The following NEGR1 variants were observed in gnomAD, a reference collection of about 807,000 sequenced individuals.
The protein encoded by NEGR1 is neuronal growth regulator 1, also known as IgLON family member 4.
In NEGR1, 10 loss-of-function variants were observed where a neutral mutation model predicts 40.9. The observed-to-expected ratio is 0.24, with a 90% CI of 0.15 to 0.42. The LOEUF (loss-of-function observed/expected upper bound fraction) is 0.42. NEGR1 is among the 10% of genes least tolerant of loss of function. NEGR1 has a pLI of 1.00. For missense variants in NEGR1, 352 were observed against 438.9 expected (o/e 0.80, Z 1.77); for synonymous variants, 185 against 166.8 (o/e 1.11, Z -0.84).
chr1:71,923,210 A>G (rs765665669), intron 2 of NEGR1, among the ~76,000 whole-genome samples: 5 of 152,302 alleles, frequency 3.3e-5, no homozygotes, highest in Non-Finnish European at 7.4e-5. Context: ...CATGCATTTG[A>G]AAATTAAAGC....
chr1:71,935,401 A>G (rs1269126353), intron 1 of NEGR1, 90 bp from the exon 2 acceptor site: 2 of 824,748 alleles, frequency 2.4e-6, no homozygotes, highest in East Asian at 2.5e-5. Flanking sequence ...CTTTTGCTGA[A>G]TAATAGCACA....
At chr1:71,558,135 G>GT (rs549896777) in intron 6 of NEGR1, among the ~76,000 whole-genome samples, 55 of 151,600 alleles carry the variant, frequency 3.6e-4, no homozygotes, top group African/African-American at 1.3e-3. Flanking sequence ...TGGTTAAGCT[G>GT]TTTTTTGTCA....
chr1:71,577,342 C>T (rs891938649), intron 6 of NEGR1, among the ~76,000 whole-genome samples: 12 of 152,094 alleles, frequency 7.9e-5, no homozygotes, highest in African/African-American at 2.4e-4. Context: ...AAAGAAGTCA[C>T]GCTATAATTT....
chr1:71,647,784 T>C (rs1211650249), intron 4 of NEGR1, among the ~76,000 whole-genome samples: 1 of 152,016 alleles, frequency 6.6e-6, no homozygotes, highest in East Asian at 1.9e-4. Flanking sequence ...CTCAATCTTA[T>C]TAGCACTATA....
chr1:71,998,792 T>C (rs954403652), intron 1 of NEGR1, among the ~76,000 whole-genome samples: 10 of 151,436 alleles, frequency 6.6e-5, no homozygotes, highest in Non-Finnish European at 1.2e-4. Flanking sequence ...ATGTATTATA[T>C]AATATTTACA....
At position 72,143,859 on chromosome 1, in the gene NEGR1, A is replaced by AATATATCAT. The variant is rs1240645509; in HGVS notation, c.176+138451_176+138459dup. 2.1e-5 allele frequency among the ~76,000 whole-genome samples: 3 copies of AATATATCAT among 143,680 alleles called. No homozygotes were observed. In the Admixed American group the frequency reaches 2.1e-4, roughly 10 times the overall value. 94.3% of individuals were successfully genotyped at this position (143,680 alleles called of 152,430 possible). ...ACTGATAACAAAGAAGATGGTTCTAAATATATCATATATATCATATATTCA... is the reference window on the plus strand; with the variant it reads ...ACTGATAACAAAGAAGATGGTTCTAAATATATCATATATATCATATATATCATATATTCA... On this transcript the variant is annotated intron_variant, in intron 1 of 6. Transcript: ENST00000357731.
intron 1 of NEGR1, among the ~76,000 whole-genome samples, chr1:72,063,409 CG>C (rs1647207295): frequency 6.6e-6 from 1 of 151,686 alleles, no homozygotes; most frequent in Non-Finnish European, 1.5e-5. Context: ...TTATGTACGG[CG>C]TAATGGAAAT....
At chr1:71,787,677 T>C (rs1656962327) in intron 2 of NEGR1, among the ~76,000 whole-genome samples, 1 of 152,166 alleles carries the variant, frequency 6.6e-6, no homozygotes, top group Non-Finnish European at 1.5e-5. Context: ...CATTACATGT[T>C]GGACAATTTT....
intron 1 of NEGR1, among the ~76,000 whole-genome samples, chr1:72,105,973 C>A (rs1352082): frequency 0.42 from 63,176 of 151,796 alleles, 14,352 homozygotes; most frequent in South Asian, 0.55. Context: ...GCAGTGAAAA[C>A]CTAGATATAA....
intron 1 of NEGR1, among the ~76,000 whole-genome samples, chr1:72,021,234 T>C (rs140438263): frequency 1.2e-4 from 18 of 152,242 alleles, no homozygotes; most frequent in East Asian, 1.2e-3. Flanking sequence ...CTGAACACTA[T>C]TGACAATTAG....
intron 2 of NEGR1, among the ~76,000 whole-genome samples, chr1:71,861,179 A>T (rs975832309): frequency 1.3e-5 from 2 of 152,020 alleles, no homozygotes; most frequent in African/African-American, 4.8e-5. Context: ...TAACTGTATG[A>T]TCTTGGGCAA....
intron 4 of NEGR1, among the ~76,000 whole-genome samples, chr1:71,657,952 G>T (rs1219871177): frequency 6.6e-6 from 1 of 152,150 alleles, no homozygotes; most frequent in African/African-American, 2.4e-5. Context: ...CAGTTTTAGT[G>T]ACTTGTCCAA....
At chr1:71,491,980 T>C (rs896417105) in intron 6 of NEGR1, among the ~76,000 whole-genome samples, 6 of 152,082 alleles carry the variant, frequency 3.9e-5, no homozygotes, top group African/African-American at 1.4e-4. Context: ...ATGAGATTAA[T>C]TCACTTATAA....
intron 6 of NEGR1, among the ~76,000 whole-genome samples, chr1:71,589,995 T>C (rs1488392093): frequency 6.6e-6 from 1 of 152,134 alleles, no homozygotes; most frequent in Non-Finnish European, 1.5e-5. Flanking sequence ...TATTGTGTCT[T>C]CAAATGTATT....
intron 4 of NEGR1, among the ~76,000 whole-genome samples, chr1:71,656,044 T>A (rs533108447): frequency 1.3e-5 from 2 of 152,164 alleles, no homozygotes; most frequent in African/African-American, 4.8e-5. Context: ...TCATAGAATA[T>A]CCCATTTATA....
At chr1:72,018,472 C>A (rs1377725645) in intron 1 of NEGR1, among the ~76,000 whole-genome samples, 2 of 152,074 alleles carry the variant, frequency 1.3e-5, no homozygotes, top group Non-Finnish European at 2.9e-5. Flanking sequence ...AAAACAGGGT[C>A]TTGGAACATA....
chr1:71,497,550 C>T (rs1646972575), intron 6 of NEGR1, among the ~76,000 whole-genome samples: 2 of 151,400 alleles, frequency 1.3e-5, no homozygotes, highest in Admixed American at 6.6e-5. Context: ...AAACTGATTC[C>T]CAGGATAGAA....
At chr1:72,121,799 T>C (rs1649815471) in intron 1 of NEGR1, among the ~76,000 whole-genome samples, 1 of 152,096 alleles carries the variant, frequency 6.6e-6, no homozygotes, top group Non-Finnish European at 1.5e-5. Context: ...TGCAAACATT[T>C]GTTGTAACTT....
At chr1:71,966,239 A>T (rs1420442297) in intron 1 of NEGR1, among the ~76,000 whole-genome samples, 1 of 152,220 alleles carries the variant, frequency 6.6e-6, no homozygotes, top group East Asian at 1.9e-4. Context: ...TAATTACAGC[A>T]CAGCTACTTC....
Sources: gnomAD v4.1 joint callset for allele counts (sites outside exome capture counted in the v4.1 genomes callset) on GRCh38, gnomAD v4.1.1 for gene constraint, MANE v1.5 for transcripts, NCBI Gene and HGNC (gene_info 2026-07-23, HGNC 2026-07-21) for gene names.